Variants in LSM12 observed in about 807,000 individuals in gnomAD.
LSM12 encodes LSM12 homolog, also known as protein LSM12.
For missense variants in LSM12, 108 were observed against 238.9 expected, an observed-to-expected ratio of 0.45 and a Z score of 3.61; for synonymous variants, 74 against 87.3, an observed-to-expected ratio of 0.85 and a Z score of 0.85.
intron 2 of LSM12, among the ~76,000 whole-genome samples, chr17:44,041,492 T>C (rs943424038): frequency 5.3e-5 from 8 of 152,314 alleles, no homozygotes; most frequent in Non-Finnish European, 8.8e-5. Context: ...TGTGCTCACA[T>C]AGGGAGCCAG....
In LSM12 at chr17:44,063,842, T is replaced by C. The variant is rs371987170; in HGVS notation, c.217A>G (p.Thr73Ala). ...GAAGCTAGGGGAGGAGGGGTTTCTG[T>C]TCGGTCATTAATTATTTCCACTTCT... ...VSEVEIINDR[T>A]ETPPPLASLN... Residue 73 changes from threonine to alanine, a missense_variant, in exon 2 of 5, where the codon ACA (threonine) becomes GCA (alanine). Thr to Ala is a moderately conservative substitution (Grantham distance 58). Transcript: ENST00000293406. The C allele has an allele frequency of 2.9e-5, 46 of 1,613,906 alleles. No homozygotes were observed. The highest frequency in any genetic ancestry group is 3.7e-5 in the Non-Finnish European group (44 of 1,180,014).
chr17:44,053,122 C>G (rs1164943867), intron 2 of LSM12, among the ~76,000 whole-genome samples: 1 of 152,086 alleles, frequency 6.6e-6, no homozygotes, highest in Non-Finnish European at 1.5e-5. Context: ...ATTTTTCAAG[C>G]CCCTCCTCCA....
rs553865421 is a variant in LSM12, at chr17:44,046,764, T to C, written c.259-6508A>G. Reference sequence around the variant, plus strand: ...ACTGTTTTCTTTTTTTTTTTCTTTTTTTTTTTTTTTTGCTGGAGTGCAATG... The same window carrying C: ...ACTGTTTTCTTTTTTTTTTTCTTTTCTTTTTTTTTTTGCTGGAGTGCAATG... On this transcript the variant is annotated intron_variant, in intron 2 of 4. Coordinates refer to ENST00000293406, the MANE Select transcript of LSM12 (RefSeq NM_001371445.1). 1.3e-4 allele frequency among the ~76,000 whole-genome samples: 19 copies of C among 142,730 alleles called. No homozygotes were observed. The South Asian group carries it at 3.8e-3, about 29-fold the overall frequency. The allele number at this position is 142,730 out of a possible 152,430, so 93.6% of individuals were successfully genotyped here.
chr17:44,061,005 C>A (rs1473255052), intron 2 of LSM12, among the ~76,000 whole-genome samples: 1 of 152,140 alleles, frequency 6.6e-6, no homozygotes, highest in Non-Finnish European at 1.5e-5. Context: ...TAACTCAGAG[C>A]CTATTTGGTT....
intron 2 of LSM12, among the ~76,000 whole-genome samples, chr17:44,043,548 CTTTT>C (rs34478151): frequency 7.5e-6 from 1 of 134,196 alleles, no homozygotes; most frequent in Non-Finnish European, 1.6e-5. Context: ...GAGGAGTTTC[CTTTT>C]TTTTTTTTTT....
intron 2 of LSM12, among the ~76,000 whole-genome samples, chr17:44,051,715 T>G (rs946910048): frequency 4.6e-5 from 7 of 152,050 alleles, no homozygotes; most frequent in African/African-American, 1.7e-4. Flanking sequence ...GGCTCATACC[T>G]GTAACCCTAA....
intron 1 of LSM12, among the ~76,000 whole-genome samples, chr17:44,064,827 A>AT (rs1370095776): frequency 4.0e-5 from 6 of 151,734 alleles, no homozygotes; most frequent in Non-Finnish European, 7.4e-5. Flanking sequence ...GTAACCTCTT[A>AT]TTTTTTTAAA....
intron 2 of LSM12, among the ~76,000 whole-genome samples, chr17:44,054,686 G>T (rs1814263448): frequency 6.6e-6 from 1 of 152,054 alleles, no homozygotes; most frequent in Non-Finnish European, 1.5e-5. Context: ...ACATGCCCCT[G>T]CCACTCAGCA....
chr17:44,056,700 G>GA (rs79543508), intron 2 of LSM12, among the ~76,000 whole-genome samples: 4,163 of 132,700 alleles, frequency 0.031, 171 homozygotes, highest in African/African-American at 0.1. Context: ...TCCAAAAAAA[G>GA]AAAAAAAAAA....
chr17:44,062,977 C>G (rs1016632150), intron 2 of LSM12, among the ~76,000 whole-genome samples: 2 of 151,774 alleles, frequency 1.3e-5, no homozygotes, highest in African/African-American at 2.4e-5. Flanking sequence ...GGCTGAGGCA[C>G]GAGAATCACT....
At chr17:44,041,327 ACACACAAACACAC>A (rs2049490151) in intron 2 of LSM12, among the ~76,000 whole-genome samples, 8 of 142,910 alleles carry the variant, frequency 5.6e-5, no homozygotes, top group African/African-American at 2.3e-4. Flanking sequence ...ACACACACAC[ACACACAAACACAC>A]ACACACACAC....
upstream of LSM12, chr17:44,066,675 C>T: frequency 1.6e-6 from 2 of 1,260,298 alleles, no homozygotes; most frequent in Non-Finnish European, 2.0e-6. Context: ...CGACGGCGCG[C>T]ACGGAGCGTG....
chr17:44,055,122 T>A (rs1203590102), intron 2 of LSM12, among the ~76,000 whole-genome samples: 22 of 151,958 alleles, frequency 1.4e-4, no homozygotes, highest in Admixed American at 1.4e-3. Context: ...AGTGCTGGGA[T>A]TACAGGTGTG....
chr17:44,066,152 C>G (rs1046307254), intron 1 of LSM12, among the ~76,000 whole-genome samples: 7 of 151,516 alleles, frequency 4.6e-5, no homozygotes, highest in Non-Finnish European at 1.0e-4. Flanking sequence ...ACCACCCCCT[C>G]TCCTAATTAC....
chr17:44,064,636 G>A (rs942787920), intron 1 of LSM12, among the ~76,000 whole-genome samples: 3 of 151,952 alleles, frequency 2.0e-5, no homozygotes, highest in Non-Finnish European at 4.4e-5. Context: ...TGGAGCCTGA[G>A]GCAGGAGAAT....
rs1323150116 is a variant in LSM12 at position 44,066,333 on chromosome 17, C to A, written c.124+131G>T. 3.2e-6 allele frequency: 4 copies of A among 1,231,034 alleles called. No homozygotes were observed. The East Asian group carries it at 1.3e-4, about 39-fold the overall frequency. 76.3% of individuals were successfully genotyped at this position (1,231,034 alleles called of 1,614,324 possible). A position where few individuals can be genotyped will look rare whatever the true frequency, so the allele number is the denominator to read the frequency against. On this transcript the variant is annotated intron_variant, in intron 1 of 4. Coordinates refer to ENST00000293406, the MANE Select transcript of LSM12 (RefSeq NM_001371445.1). ...AGGGGAGCTCAGGGCCGTGCGCATG[C>A]GCCCCGGGCGCCGCGGTAGCCGGTC...
At chr17:44,046,855 C>T (rs1432797949) in intron 2 of LSM12, among the ~76,000 whole-genome samples, 4 of 147,354 alleles carry the variant, frequency 2.7e-5, no homozygotes, top group Non-Finnish European at 4.5e-5. Flanking sequence ...CTCAGTCTCC[C>T]GAGTAGCTGG....
chr17:44,041,229 C>T (rs1218557165), intron 2 of LSM12, among the ~76,000 whole-genome samples: 2 of 146,600 alleles, frequency 1.4e-5, no homozygotes, highest in African/African-American at 2.5e-5. Flanking sequence ...CGAGATCATG[C>T]TACTGTACTC....
Position 44,036,130 on chromosome 17 carries a change from C to A in LSM12, c.*78G>T, listed in dbSNP as rs2049412575. The A allele has an allele frequency of 7.1e-7, 1 of 1,414,492 alleles. No individual in the cohort carries two copies. Among genetic ancestry groups the A allele is most frequent in the African/African-American group, 1.5e-5 (1 of 68,304 alleles). The allele number at this position is 1,414,492 out of a possible 1,614,324, so 87.6% of individuals were successfully genotyped here. A position where few individuals can be genotyped will look rare whatever the true frequency, so the allele number is the denominator to read the frequency against. Reference sequence around the variant, plus strand: ...ACAGGACATATAGGATCCCTTCCCTCCCCCGGCCTGCCTCCGCTGAAGCCA... The same window carrying A: ...ACAGGACATATAGGATCCCTTCCCTACCCCGGCCTGCCTCCGCTGAAGCCA... On this transcript the variant is annotated 3_prime_UTR_variant, in exon 5 of 5. Transcript: ENST00000293406.
Sources: gnomAD v4.1 joint callset for allele counts (sites outside exome capture counted in the v4.1 genomes callset) on GRCh38, gnomAD v4.1.1 for gene constraint, MANE v1.5 for transcripts, NCBI Gene and HGNC (gene_info 2026-07-23, HGNC 2026-07-21) for gene names.